LIPC: variants seen among roughly 807,000 people sequenced by gnomAD.
LIPC encodes lipase C, hepatic type.
In LIPC, 44 loss-of-function variants were observed where a neutral mutation model predicts 50.7. That is an observed-to-expected ratio of 0.87 (90% CI 0.68 to 1.11). LIPC has a LOEUF of 1.11. LIPC is among the 50% of genes most tolerant of loss of function. The pLI, the probability that LIPC is intolerant of heterozygous loss-of-function variation, is 0.00. For synonymous variants in LIPC, 271 were observed against 256.4 expected, an observed-to-expected ratio of 1.06 and a Z score of -0.54; for missense variants, 697 against 648.2, an observed-to-expected ratio of 1.08 and a Z score of -0.82.
intron 5 of LIPC, among the ~76,000 whole-genome samples, chr15:58,546,846 G>A (rs183947746): frequency 2.6e-5 from 4 of 152,052 alleles, no homozygotes; most frequent in African/African-American, 7.2e-5. Flanking sequence ...TTCACACTCC[G>A]CATCATCTCA....
chr15:58,449,770 C>A (rs1416674522), intron 1 of LIPC, among the ~76,000 whole-genome samples: 2 of 152,182 alleles, frequency 1.3e-5, no homozygotes, highest in African/African-American at 4.8e-5. Flanking sequence ...GAACTCCTGA[C>A]TTCAAGAGAT....
intron 7 of LIPC, 40 bp from the exon 8 acceptor site, chr15:58,563,465 G>T: frequency 6.5e-7 from 1 of 1,529,444 alleles, no homozygotes; most frequent in South Asian, 1.1e-5. Flanking sequence ...TTGCTGTTAC[G>T]ACTAAACTGA....
At chr15:58,457,750 T>C in intron 1 of LIPC, among the ~76,000 whole-genome samples, 1 of 152,264 alleles carries the variant, frequency 6.6e-6, no homozygotes, top group East Asian at 1.9e-4. Flanking sequence ...GGCTTGGTCA[T>C]TTCCTTCACA....
intron 1 of LIPC, among the ~76,000 whole-genome samples, chr15:58,465,369 C>T (rs940888451): frequency 1.3e-5 from 2 of 152,182 alleles, no homozygotes; most frequent in African/African-American, 4.8e-5. Flanking sequence ...AGACTGTGCT[C>T]TTCAATAGTC....
chr15:58,550,507 G>A (rs1168808853), intron 6 of LIPC, among the ~76,000 whole-genome samples: 1 of 152,112 alleles, frequency 6.6e-6, no homozygotes, highest in Non-Finnish European at 1.5e-5. Context: ...TGTTATTAAG[G>A]AAGACCAAAG....
intron 1 of LIPC, among the ~76,000 whole-genome samples, chr15:58,470,261 G>A (rs1263309093): frequency 6.6e-6 from 1 of 152,090 alleles, no homozygotes; most frequent in East Asian, 1.9e-4. Context: ...TTAAAAGACT[G>A]TAAATGAGAG....
intron 1 of LIPC, among the ~76,000 whole-genome samples, chr15:58,471,938 A>C (rs1055110628): frequency 6.6e-6 from 1 of 152,114 alleles, no homozygotes; most frequent in Admixed American, 6.5e-5. Context: ...CCATAAAGGC[A>C]TTAGCTCACC....
intron 1 of LIPC, among the ~76,000 whole-genome samples, chr15:58,471,716 T>C (rs771206882): frequency 6.6e-6 from 1 of 152,126 alleles, no homozygotes; most frequent in Non-Finnish European, 1.5e-5. Context: ...AATGAATGAA[T>C]TGAGCCAAAT....
intron 1 of LIPC, among the ~76,000 whole-genome samples, chr15:58,470,727 G>A (rs1311465279): frequency 6.6e-6 from 1 of 151,862 alleles, no homozygotes; most frequent in Non-Finnish European, 1.5e-5. Context: ...AGCCTCCCCA[G>A]TAGCTGGGAC....
chr15:58,546,679 T>C (rs1041795273), intron 5 of LIPC, among the ~76,000 whole-genome samples: 2 of 152,298 alleles, frequency 1.3e-5, no homozygotes, highest in East Asian at 3.9e-4. Context: ...TTTCTTGCTA[T>C]TATAAAATAT....
intron 1 of LIPC, among the ~76,000 whole-genome samples, chr15:58,481,147 G>C (rs1006289320): frequency 6.6e-6 from 1 of 152,186 alleles, no homozygotes; most frequent in African/African-American, 2.4e-5. Flanking sequence ...GTCTTCTGTA[G>C]AAAGTTTGCT....
At chr15:58,457,669 C>A (rs1439378874) in intron 1 of LIPC, among the ~76,000 whole-genome samples, 1 of 152,222 alleles carries the variant, frequency 6.6e-6, no homozygotes, top group African/African-American at 2.4e-5. Context: ...ACTACTTTCA[C>A]TATTATTGTG....
Position 58,541,973 on chromosome 15 carries a change from G to C in LIPC, c.456+6G>C. ...CTCTTCTCCGGTGGCTGGAGGTACC[G>C]ACCTGCCCCATCCTTCCTTCACCTC... On this transcript the variant is annotated splice_donor_region_variant and intron_variant, in intron 3 of 8. Transcript: ENST00000299022. The C allele has an allele frequency of 6.2e-7, 1 of 1,604,736 alleles. No homozygotes were observed. Among genetic ancestry groups the C allele is most frequent in the Non-Finnish European group, 8.5e-7 (1 of 1,177,480 alleles).
rs753773024 is a variant in LIPC at position 58,568,800 on chromosome 15, T to TAA, written c.1476_1477dup (p.Thr493LysfsTer11). The TAA allele has an allele frequency of 1.9e-6, 3 of 1,605,386 alleles. No individual in the cohort carries two copies. Among genetic ancestry groups the TAA allele is most frequent in the Non-Finnish European group, 2.6e-6 (3 of 1,173,180 alleles). On this transcript the variant is annotated frameshift_variant, in exon 9 of 9. Coordinates refer to ENST00000299022, the MANE Select transcript of LIPC (RefSeq NM_000236.3). LOFTEE classifies it high-confidence loss of function. ...TCTTCGTGAAATGTGAAATAAAGTC[T>TAA]AAAACATCAAAGCGAAAGATCAGAT...
At chr15:58,439,261 A>G (rs1321278766) in intron 1 of LIPC, among the ~76,000 whole-genome samples, 3 of 152,204 alleles carry the variant, frequency 2.0e-5, no homozygotes, top group African/African-American at 7.2e-5. Flanking sequence ...TTGAGTTTGT[A>G]TCTGAACTTT....
At chr15:58,564,883 C>A (rs918912630) in intron 8 of LIPC, among the ~76,000 whole-genome samples, 1 of 152,138 alleles carries the variant, frequency 6.6e-6, no homozygotes, top group African/African-American at 2.4e-5. Flanking sequence ...CAGGCATCCC[C>A]GGGCCCTCTC....
At chr15:58,565,098 C>A in intron 8 of LIPC, 1 of 1,186,036 alleles carries the variant, frequency 8.4e-7, no homozygotes, top group Admixed American at 2.0e-5. Flanking sequence ...TCCCTTTATA[C>A]AACCGCACTC....
intron 1 of LIPC, among the ~76,000 whole-genome samples, chr15:58,524,022 T>C (rs1389599003): frequency 6.6e-6 from 1 of 152,126 alleles, no homozygotes; most frequent in Non-Finnish European, 1.5e-5. Flanking sequence ...ATAGAATAGA[T>C]TTGCAAAATC....
At chr15:58,532,647 G>A (rs1892994431) in intron 1 of LIPC, among the ~76,000 whole-genome samples, 1 of 152,138 alleles carries the variant, frequency 6.6e-6, no homozygotes, top group South Asian at 2.1e-4. Flanking sequence ...CATGGAAAGG[G>A]CTCAACAAAC....
Sources: allele counts gnomAD v4.1 joint callset (sites outside exome capture counted in the v4.1 genomes callset), GRCh38; gene constraint gnomAD v4.1.1; transcripts MANE v1.5; gene names NCBI Gene and HGNC (gene_info 2026-07-23, HGNC 2026-07-21).